TSHZ2: variants seen among roughly 807,000 people sequenced by gnomAD.
The protein encoded by TSHZ2 is teashirt homolog 2.
In TSHZ2, 21 loss-of-function variants were observed where a neutral mutation model predicts 74.4. That is an observed-to-expected ratio of 0.28 (90% confidence interval 0.20 to 0.41). The LOEUF is 0.41. Ranked by LOEUF, TSHZ2 falls within the 10% of genes least tolerant of loss-of-function variation. The pLI, the probability that TSHZ2 is intolerant of heterozygous loss-of-function variation, is 1.00. For synonymous variants in TSHZ2, 540 were observed against 515.3 expected, an observed-to-expected ratio of 1.05 and a Z score of -0.65; for missense variants, 1,244 against 1,293.5, an observed-to-expected ratio of 0.96 and a Z score of 0.59.
At position 53,492,302 on chromosome 20, in the gene TSHZ2, T is replaced by C. The variant is rs1425185149; in HGVS notation, c.*5167T>C. ...ATAACATTCAGGAATTATAGATGTGTATGTATATTTTTTAAGTACAGAAAG... is the reference window on the plus strand; with the variant it reads ...ATAACATTCAGGAATTATAGATGTGCATGTATATTTTTTAAGTACAGAAAG... On this transcript the variant is annotated 3_prime_UTR_variant, in exon 3 of 3. Coordinates refer to ENST00000371497, the MANE Select transcript of TSHZ2 (RefSeq NM_173485.6). 2 of 152,194 alleles carry C rather than the reference T, an allele frequency of 1.3e-5. No individual in the cohort carries two copies. The highest frequency in any genetic ancestry group is 2.9e-5 in the Non-Finnish European group (2 of 68,028). 9.4% of individuals were successfully genotyped at this position (152,194 alleles called of 1,614,324 possible). A position where few individuals can be genotyped will look rare whatever the true frequency, so the allele number is the denominator to read the frequency against.
intron 2 of TSHZ2, chr20:53,453,004 G>A (rs1346062650): frequency 6.6e-6 from 1 of 152,134 alleles, no homozygotes; most frequent in East Asian, 1.9e-4. Context: ...GGCCTTCAGG[G>A]GTTTGATGTA....
At chr20:53,106,391 CTTTTTTTTTTTTTT>C (rs71194458) in intron 1 of TSHZ2, among the ~76,000 whole-genome samples, 75 of 58,944 alleles carry the variant, frequency 1.3e-3, no homozygotes, top group African/African-American at 4.6e-3. Context: ...CTCACACTTT[CTTTTTTTTTTTTTT>C]TTTTTTTTTT....
intron 1 of TSHZ2, among the ~76,000 whole-genome samples, chr20:53,114,064 A>G (rs1285874321): frequency 1.3e-5 from 2 of 150,992 alleles, no homozygotes; most frequent in East Asian, 3.9e-4. Flanking sequence ...ACCACATTTC[A>G]GCCTGGGTAA....
intron 1 of TSHZ2, among the ~76,000 whole-genome samples, chr20:53,033,729 G>A (rs1020715541): frequency 1.6e-5 from 2 of 121,522 alleles, no homozygotes; most frequent in Admixed American, 1.1e-4. Context: ...GTGTGATCTC[G>A]GCTCACTGCA....
At chr20:53,175,978 A>T (rs1988327859) in intron 1 of TSHZ2, among the ~76,000 whole-genome samples, 1 of 152,176 alleles carries the variant, frequency 6.6e-6, no homozygotes, top group Non-Finnish European at 1.5e-5. Context: ...TAAATAAACA[A>T]CGTAATTTCA....
chr20:53,270,691 C>T (rs1344310178), intron 2 of TSHZ2, among the ~76,000 whole-genome samples: 1 of 152,104 alleles, frequency 6.6e-6, no homozygotes, highest in Admixed American at 6.5e-5. Context: ...TTAAATATCC[C>T]CAAAATTCAA....
chr20:53,482,761 C>T (rs997412272), intron 2 of TSHZ2, among the ~76,000 whole-genome samples: 2 of 151,856 alleles, frequency 1.3e-5, no homozygotes, highest in Admixed American at 1.3e-4. Flanking sequence ...AAAAAATTAG[C>T]CAGGTGTGCT....
At chr20:53,162,778 T>C (rs1987973423) in intron 1 of TSHZ2, among the ~76,000 whole-genome samples, 1 of 151,834 alleles carries the variant, frequency 6.6e-6, no homozygotes, top group Non-Finnish European at 1.5e-5. Context: ...ATTCTAACTA[T>C]TAACTGCAGA....
chr20:53,419,801 G>T (rs913188716), intron 2 of TSHZ2, among the ~76,000 whole-genome samples: 1 of 152,200 alleles, frequency 6.6e-6, no homozygotes, highest in African/African-American at 2.4e-5. Context: ...TGGCCACCTT[G>T]CTGGGGCAGA....
At chr20:53,102,883 ATT>A (rs1568760162) in intron 1 of TSHZ2, among the ~76,000 whole-genome samples, 11 of 113,308 alleles carry the variant, frequency 9.7e-5, no homozygotes, top group African/African-American at 3.8e-4. Context: ...TTTTTTTTTT[ATT>A]ATACTTTAAG....
chr20:53,137,305 T>TTC (rs1434808709), intron 1 of TSHZ2, among the ~76,000 whole-genome samples: 1 of 151,542 alleles, frequency 6.6e-6, no homozygotes, highest in Admixed American at 6.6e-5. Context: ...TCTTTTTTTT[T>TTC]TTTTTTTCAT....
intron 1 of TSHZ2, among the ~76,000 whole-genome samples, chr20:53,019,668 A>G (rs1983166396): frequency 6.6e-6 from 1 of 152,164 alleles, no homozygotes. Flanking sequence ...CCACTTTGGA[A>G]TTACATCCTC....
At chr20:53,327,030 C>T (rs1163479551) in intron 2 of TSHZ2, among the ~76,000 whole-genome samples, 1 of 152,214 alleles carries the variant, frequency 6.6e-6, no homozygotes, top group Non-Finnish European at 1.5e-5. Context: ...GGAAACCGTA[C>T]ATGCAGCACT....
chr20:53,101,588 C>T (rs1986220093), intron 1 of TSHZ2, among the ~76,000 whole-genome samples: 1 of 152,168 alleles, frequency 6.6e-6, no homozygotes, highest in South Asian at 2.1e-4. Flanking sequence ...TTGTAGAAAC[C>T]ACAGCCCCCA....
In TSHZ2 at chr20:53,489,391, A is replaced by G; in HGVS notation, c.*2256A>G. 1 of 341,740 alleles carries G rather than the reference A, an allele frequency of 2.9e-6. No homozygotes were observed. Among genetic ancestry groups the G allele is most frequent in the Non-Finnish European group, 5.8e-6 (1 of 173,390 alleles). The allele number at this position is 341,740 out of a possible 1,614,324, so 21.2% of individuals were successfully genotyped here. A position where few individuals can be genotyped will look rare whatever the true frequency, so the allele number is the denominator to read the frequency against. ...ACTGAGCACCGTCCTTCAACAAGGA[A>G]ATTCTATTAAAGGAAAATCAATGCA... On this transcript the variant is annotated 3_prime_UTR_variant, in exon 3 of 3. Transcript: ENST00000371497.
chr20:53,307,500 C>T (rs1978593296), intron 2 of TSHZ2, among the ~76,000 whole-genome samples: 1 of 152,172 alleles, frequency 6.6e-6, no homozygotes, highest in Non-Finnish European at 1.5e-5. Context: ...AACTTAATTG[C>T]CTGCAGACTG....
At chr20:53,358,660 GA>G (rs1287686326) in intron 2 of TSHZ2, among the ~76,000 whole-genome samples, 25 of 151,216 alleles carry the variant, frequency 1.7e-4, no homozygotes, top group African/African-American at 2.4e-5. Flanking sequence ...TCATCTTTTT[GA>G]AAAAAAATTT....
At chr20:53,217,415 G>A (rs8121251) in intron 1 of TSHZ2, among the ~76,000 whole-genome samples, 1,577 of 152,202 alleles carry the variant, frequency 0.01, 34 homozygotes, top group African/African-American at 0.036. Context: ...AAGCGAATAT[G>A]TGGCTCACAA....
chr20:53,448,878 G>A (rs1984661794), intron 2 of TSHZ2, among the ~76,000 whole-genome samples: 1 of 152,130 alleles, frequency 6.6e-6, no homozygotes, highest in Non-Finnish European at 1.5e-5. Flanking sequence ...AAAGATTAGT[G>A]ATCATCCAGG....
Sources: gnomAD v4.1 joint callset for allele counts (sites outside exome capture counted in the v4.1 genomes callset) on GRCh38, gnomAD v4.1.1 for gene constraint, MANE v1.5 for transcripts, NCBI Gene and HGNC (gene_info 2026-07-23, HGNC 2026-07-21) for gene names.